The following TCHP variants were observed in gnomAD, a reference collection of about 807,000 sequenced individuals.
TCHP encodes trichoplein keratin filament-binding protein.
Under a neutral mutation model 88.7 loss-of-function variants are expected in TCHP, and 81 were observed. The observed-to-expected ratio is 0.91, with a 90% CI of 0.76 to 1.10. TCHP has a LOEUF of 1.10. TCHP is among the 50% of genes least tolerant of loss of function. The probability of loss-of-function intolerance (pLI) is 0.00; values close to 1 mark genes in which losing one functional copy is unlikely to be tolerated. For missense variants in TCHP, 641 were observed against 632.1 expected, an observed-to-expected ratio of 1.01 and a Z score of -0.15; for synonymous variants, 232 against 232.5, an observed-to-expected ratio of 1.00 and a Z score of 0.02.
At position 109,907,625 on chromosome 12, in the gene TCHP, A is replaced by C. The variant is rs778125040; in HGVS notation, c.625A>C (p.Arg209=). The C allele has an allele frequency of 2.5e-6, 4 of 1,614,170 alleles. No individual in the cohort carries two copies. The change falls in exon 6 of 13, where the codon AGG becomes CGG. Residue 209 remains arginine, a synonymous_variant. Coordinates refer to ENST00000405876, the MANE Select transcript of TCHP (RefSeq NM_001143852.2). ...AAGGATGAAAGCTGAAGAGGAGAGG[A>C]GGCAGCTGGAGGACAAGCTCCAGGC... is the stretch of plus-strand genomic sequence containing the variant. The part of the protein sequence containing the change: ...LERMKAEEER[R]QLEDKLQAEA...
At position 109,900,324 on chromosome 12, in the gene TCHP, T is replaced by C. The variant is rs956122744; in HGVS notation, c.-103T>C. On this transcript the variant is annotated 5_prime_UTR_variant, in exon 1 of 13. Coordinates refer to ENST00000405876, the MANE Select transcript of TCHP (RefSeq NM_001143852.2). ...ACAGGGAGGAAACAGCCGGCGTTGC[T>C]GTAGCGCGTCTGGGAATTACACCGG... 1.3e-5 allele frequency: 2 copies of C among 152,210 alleles called. No homozygotes were observed. The highest frequency in any genetic ancestry group is 1.3e-4 in the Admixed American group (2 of 15,288). The allele number at this position is 152,210 out of a possible 1,614,324, so 9.4% of individuals were successfully genotyped here. A position where few individuals can be genotyped will look rare whatever the true frequency, so the allele number is the denominator to read the frequency against.
Position 109,914,541 on chromosome 12 carries a change from C to A in TCHP, c.1234C>A (p.Leu412Ile), listed in dbSNP as rs769910620. The stretch of plus-strand genomic sequence containing the variant: ...ACACAGGGAGCAACTTATTCGAAAT[C>A]TTGAGGAGGTGAGAGAGTTGGCTCG... ...LKHREQLIRN[L>I]EEVRELARRE... Residue 412 changes from leucine (L) to isoleucine (I), a missense_variant, in exon 11 of 13, where the codon CTT becomes ATT. Leu to Ile is a conservative substitution (Grantham distance 5). Coordinates refer to ENST00000405876, the MANE Select transcript of TCHP (RefSeq NM_001143852.2). 2.5e-6 allele frequency: 4 copies of A among 1,613,984 alleles called. No individual in the cohort carries two copies. The highest frequency in any genetic ancestry group is 3.4e-6 in the Non-Finnish European group (4 of 1,180,024).
At chr12:109,908,785 A>G in intron 7 of TCHP, 86 bp from the exon 8 acceptor site, 2 of 1,569,200 alleles carry the variant, frequency 1.3e-6, no homozygotes, top group South Asian at 1.1e-5. Flanking sequence ...GAAACCATAA[A>G]GGAGACAGCC....
Position 109,908,804 on chromosome 12 carries a change from A to G in TCHP, c.813-67A>G, listed in dbSNP as rs1019816446. ...CCATAAAGGAGACAGCCTGGTCAGC[A>G]GTTATCTAACTTCTATTTAATTCTT... On this transcript the variant is annotated intron_variant, in intron 7 of 12. Transcript: ENST00000405876. The G allele has an allele frequency of 4.4e-6, 7 of 1,587,504 alleles. No homozygotes were observed. The African/African-American group carries it at 6.7e-5, about 15-fold the overall frequency.
At chr12:109,911,838 C>T (rs1870516348) in intron 9 of TCHP, among the ~76,000 whole-genome samples, 1 of 151,628 alleles carries the variant, frequency 6.6e-6, no homozygotes, top group African/African-American at 2.4e-5. Context: ...GCTCTGTCAC[C>T]CAGGCTGGAG....
the TCHP span, among the ~76,000 whole-genome samples, chr12:109,884,151 C>T: frequency 3.9e-5 from 6 of 152,254 alleles, no homozygotes; most frequent in East Asian, 1.2e-3. Flanking sequence ...GATTGTGCTA[C>T]TGCTCTCCAG....
rs769811497 is a variant in TCHP at position 109,915,520 on chromosome 12, AT to A, written c.1439del (p.Met480ArgfsTer33). On this transcript the variant is annotated frameshift_variant, in exon 12 of 13. Coordinates refer to ENST00000405876, the MANE Select transcript of TCHP (RefSeq NM_001143852.2). LOFTEE classifies it high-confidence loss of function. ...CCTGCTGCAGCAGGAGGCGGAGACT[AT>A]GGCTGAGCAGGGCTACCGGCCTAAG... is the stretch of plus-strand genomic sequence containing the variant. ...DALLQQEAETMAEQGYRPKPY... is the reference protein window; with the variant it reads ...DALLQQEAETXAEQGYRPKPY... 2 of 1,613,990 alleles carry A rather than the reference AT, an allele frequency of 1.2e-6. No homozygotes were observed. The highest frequency in any genetic ancestry group is 1.1e-5 in the South Asian group (1 of 91,076).
the TCHP span, among the ~76,000 whole-genome samples, chr12:109,884,495 T>A: frequency 1.7e-4 from 26 of 152,054 alleles, no homozygotes; most frequent in Admixed American, 7.2e-4. Flanking sequence ...GCCGAATCCA[T>A]CTCTTAAAAT....
chr12:109,889,186 A>C, the TCHP span, among the ~76,000 whole-genome samples: 1 of 151,692 alleles, frequency 6.6e-6, no homozygotes, highest in African/African-American at 2.4e-5. Flanking sequence ...GTAAAAGACG[A>C]CTCTGGGCTG....
the TCHP span, among the ~76,000 whole-genome samples, chr12:109,889,269 C>T: frequency 4.6e-5 from 7 of 152,154 alleles, no homozygotes; most frequent in East Asian, 1.4e-3. Context: ...GTCAGGAGAT[C>T]GAGACCATCC....
chr12:109,913,169 A>G, intron 10 of TCHP, 97 bp downstream of exon 10: 1 of 1,085,666 alleles, frequency 9.2e-7, no homozygotes, highest in East Asian at 2.4e-5. Flanking sequence ...CTGGGAACAG[A>G]GTCTTCTCTG....
the TCHP span, among the ~76,000 whole-genome samples, chr12:109,890,057 A>T: frequency 6.6e-6 from 1 of 152,218 alleles, no homozygotes; most frequent in Admixed American, 6.5e-5. Context: ...CTGGATAAAA[A>T]TAGTATTTTG....
At chr12:109,915,632 C>T (rs1317213642) in intron 12 of TCHP, 86 bp downstream of exon 12, 8 of 1,439,462 alleles carry the variant, frequency 5.6e-6, no homozygotes, top group African/African-American at 2.9e-5. Context: ...CATCGCCCCG[C>T]GCCGGGGTCT....
At chr12:109,911,409 T>TG (rs1400186321) in intron 9 of TCHP, among the ~76,000 whole-genome samples, 174 bp downstream of exon 9, 3 of 151,964 alleles carry the variant, frequency 2.0e-5, no homozygotes, top group Admixed American at 2.0e-4. Context: ...CCTAGGAATT[T>TG]GAGATCAGCC....
chr12:109,894,909 G>A, the TCHP span, among the ~76,000 whole-genome samples: 1 of 151,852 alleles, frequency 6.6e-6, no homozygotes, highest in Non-Finnish European at 1.5e-5. Context: ...ACTGGTCACT[G>A]CAGCATGACT....
rs1870234831 is a variant in TCHP at position 109,907,836 on chromosome 12, C to T, written c.699+137C>T. 3 of 901,848 alleles carry T rather than the reference C, an allele frequency of 3.3e-6. No individual in the cohort carries two copies. In the Admixed American group the frequency reaches 8.6e-5, roughly 26 times the overall value. 55.9% of individuals were successfully genotyped at this position (901,848 alleles called of 1,614,324 possible). A position where few individuals can be genotyped will look rare whatever the true frequency, so the allele number is the denominator to read the frequency against. ...AAAGGGCGGCAGCAGCCGGGTTCTC[C>T]CTCTCACATGCATCCCCATCTGCCT... On this transcript the variant is annotated intron_variant, in intron 6 of 12. Coordinates refer to ENST00000405876, the MANE Select transcript of TCHP (RefSeq NM_001143852.2).
chr12:109,914,643 A>G lies in TCHP; in HGVS notation c.1320+16A>G. On this transcript the variant is annotated intron_variant, in intron 11 of 12. Transcript: ENST00000405876. ...GGAAGCCCAGGTAGGGCTGAGCCCA[A>G]GGGCGGGAGGCACCGGGCCTGCCAG... is the stretch of plus-strand genomic sequence containing the variant. 1.9e-6 allele frequency: 3 copies of G among 1,603,214 alleles called. No homozygotes were observed. The highest frequency in any genetic ancestry group is 1.7e-6 in the Non-Finnish European group (2 of 1,175,740).
the TCHP span, among the ~76,000 whole-genome samples, chr12:109,893,124 A>T: frequency 6.6e-6 from 1 of 152,154 alleles, no homozygotes; most frequent in Admixed American, 6.5e-5. Flanking sequence ...TCATGCCTGT[A>T]ATCCCAGCAC....
rs201307226 is a variant in TCHP at position 109,908,900 on chromosome 12, A to G, written c.842A>G (p.Gln281Arg). The G allele has an allele frequency of 2.5e-5, 41 of 1,614,268 alleles. No individual in the cohort carries two copies. Among genetic ancestry groups the G allele is most frequent in the Admixed American group, 5.0e-5 (3 of 60,028 alleles). The change falls in exon 8 of 13, where the codon CAA becomes CGA. Residue 281 changes from glutamine (Q) to arginine (R), a missense_variant. By Grantham distance (43) the Gln-to-Arg change is conservative (BLOSUM62 1). Coordinates refer to ENST00000405876, the MANE Select transcript of TCHP (RefSeq NM_001143852.2). The part of the protein sequence containing the change: ...GRFLRHQYNA[Q>R]LSRRTQQIQE... ...TTCTTGAGACATCAGTATAACGCTC[A>G]ACTCAGCAGACGCACACAGCAGATC...
Sources: allele counts gnomAD v4.1 joint callset (sites outside exome capture counted in the v4.1 genomes callset), GRCh38; gene constraint gnomAD v4.1.1; transcripts MANE v1.5; gene names NCBI Gene and HGNC (gene_info 2026-07-23, HGNC 2026-07-21).